SYCE1L: variants seen among roughly 807,000 people sequenced by gnomAD.
SYCE1L encodes the protein synaptonemal complex central element protein 1 like.
In SYCE1L, 51 loss-of-function variants were observed where a neutral mutation model predicts 39.6. That is an observed-to-expected ratio of 1.29 (90% CI 1.03 to 1.63). The LOEUF (loss-of-function observed/expected upper bound fraction) is 1.63. Among genes scored for constraint, SYCE1L ranks in the 40% most tolerant of loss-of-function variants. The pLI is 0.00. For synonymous variants in SYCE1L, 147 were observed against 122.4 expected (o/e 1.20, Z -1.33); for missense variants, 426 against 304.9 (o/e 1.40, Z -2.96).
In SYCE1L at chr16:77,212,303, T is replaced by G. The variant is rs1033816203; in HGVS notation, c.515T>G (p.Leu172Arg). ...ACAGGGAGGCTGGTGCGCGCCAAGC[T>G]GCGGGAGGTGGAGCGGCGGCTGCAC... Reference protein sequence around the residue: ...LSERRLVRAKLREVERRLHSP... With the variant: ...LSERRLVRAKRREVERRLHSP... The change falls in exon 9 of 11, where the codon CTG (leucine) becomes CGG (arginine). Residue 172 changes from leucine (L) to arginine (R), a missense_variant. Leu to Arg is a moderately radical substitution (Grantham distance 102, BLOSUM62 -2). Coordinates refer to ENST00000378644, the MANE Select transcript of SYCE1L (RefSeq NM_001129979.3). The G allele has an allele frequency of 6.0e-5, 92 of 1,523,886 alleles. No homozygotes were observed. Among genetic ancestry groups the G allele is most frequent in the Non-Finnish European group, 7.3e-5 (83 of 1,137,060 alleles). The allele number at this position is 1,523,886 out of a possible 1,614,324, so 94.4% of individuals were successfully genotyped here.
In SYCE1L at chr16:77,204,080, A is replaced by G. The variant is rs74027179; in HGVS notation, c.62-2361A>G. 4.3e-3 allele frequency among the ~76,000 whole-genome samples: 661 copies of G among 152,238 alleles called. 2 individuals carry two copies. Among genetic ancestry groups the G allele is most frequent in the African/African-American group, 0.014 (586 of 41,552 alleles). On this transcript the variant is annotated intron_variant, in intron 1 of 10. Transcript: ENST00000378644. ...TTGCCTGTCCAGTTGGCAAAAAAAA[A>G]AAGAAAAAGATTAAAAACATACTTG...
At chr16:77,202,107 G>C (rs1404007355) in intron 1 of SYCE1L, 2 of 152,104 alleles carry the variant, frequency 1.3e-5, no homozygotes, top group African/African-American at 4.8e-5. Flanking sequence ...AAAATATAAA[G>C]GAGAAGAGGC....
intron 6 of SYCE1L, 134 bp from the exon 7 acceptor site, chr16:77,211,079 T>G: frequency 1.1e-6 from 1 of 926,164 alleles, no homozygotes; most frequent in South Asian, 1.5e-5. Context: ...GAACCAAAGC[T>G]TAGAGGATAA....
intron 2 of SYCE1L, 59 bp downstream of exon 2, chr16:77,206,559 T>G: frequency 2.6e-6 from 4 of 1,517,814 alleles, no homozygotes; most frequent in Non-Finnish European, 3.6e-6. Context: ...AAAGACATGG[T>G]ACAAATTCAG....
intron 4 of SYCE1L, 125 bp downstream of exon 4, chr16:77,208,664 A>G: frequency 1.1e-6 from 1 of 902,614 alleles, no homozygotes; most frequent in Non-Finnish European, 1.7e-6. Flanking sequence ...ATTGCCTTTC[A>G]CTGTCTCATG....
At chr16:77,211,474 C>T (rs2054822217) in intron 7 of SYCE1L, among the ~76,000 whole-genome samples, 198 bp downstream of exon 7, 1 of 152,180 alleles carries the variant, frequency 6.6e-6, no homozygotes, top group Non-Finnish European at 1.5e-5. Context: ...CACTGCCACA[C>T]CCAGCATCAC....
At chr16:77,212,523 C>T in intron 9 of SYCE1L, 51 bp from the exon 10 acceptor site, 1 of 1,534,854 alleles carries the variant, frequency 6.5e-7, no homozygotes, top group Non-Finnish European at 8.7e-7. Flanking sequence ...TCCTCCTCGT[C>T]CCCTGGACTC....
At position 77,212,562 on chromosome 16, in the gene SYCE1L, C is replaced by A. The variant is rs965188248; in HGVS notation, c.582-12C>A. On this transcript the variant is annotated splice_polypyrimidine_tract_variant and intron_variant, in intron 9 of 10. Transcript: ENST00000378644. Reference sequence around the variant, plus strand: ...CTCTCTTCCTCCTGTCTCCTCGGCCCCTTCTCCGCAGGCTGAAGGCGGAGC... The same window carrying A: ...CTCTCTTCCTCCTGTCTCCTCGGCCACTTCTCCGCAGGCTGAAGGCGGAGC... The A allele has an allele frequency of 1.3e-6, 2 of 1,536,676 alleles. No homozygotes were observed. Among genetic ancestry groups the A allele is most frequent in the Non-Finnish European group, 1.7e-6 (2 of 1,146,598 alleles).
At chr16:77,212,793 G>A (rs2054835054) in intron 10 of SYCE1L, 64 bp from the exon 11 acceptor site, 2 of 1,433,492 alleles carry the variant, frequency 1.4e-6, no homozygotes, top group Non-Finnish European at 1.8e-6. Flanking sequence ...GAGGCCTAGG[G>A]CAGACGCGGG....
Position 77,212,941 on chromosome 16 carries a change from AC to A in SYCE1L, c.*13del. On this transcript the variant is annotated 3_prime_UTR_variant, in exon 11 of 11. Transcript: ENST00000378644. ...CCCTGACGCCCTCTAGGCCAGCAGG[AC>A]CCGCCCGTTCCCGACCTTCCCTCGA... 6.7e-7 allele frequency: 1 copy of A among 1,501,670 alleles called. No homozygotes were observed. Among genetic ancestry groups the A allele is most frequent in the Non-Finnish European group, 8.9e-7 (1 of 1,127,068 alleles). 93.0% of individuals were successfully genotyped at this position (1,501,670 alleles called of 1,614,324 possible).
intron 5 of SYCE1L, 35 bp from the exon 6 acceptor site, chr16:77,209,382 G>C: frequency 1.9e-6 from 3 of 1,551,208 alleles, no homozygotes; most frequent in Non-Finnish European, 2.6e-6. Context: ...CTCCCCAAGA[G>C]CTCTCAAAGG....
intron 2 of SYCE1L, 126 bp downstream of exon 2, chr16:77,206,626 A>T: frequency 1.1e-6 from 1 of 898,406 alleles, no homozygotes. Flanking sequence ...CCTCTTATAC[A>T]GTTTAATTCT....
At chr16:77,212,709 G>A in intron 10 of SYCE1L, 63 bp downstream of exon 10, 4 of 1,460,148 alleles carry the variant, frequency 2.7e-6, no homozygotes, top group Non-Finnish European at 3.6e-6. Flanking sequence ...AGCGGGCGGG[G>A]GTCCTGGGAG....
intron 1 of SYCE1L, 126 bp downstream of exon 1, chr16:77,199,638 G>A (rs117687745): frequency 7.9e-4 from 669 of 850,358 alleles, no homozygotes; most frequent in Non-Finnish European, 7.8e-4. Context: ...TAAGCCTTTT[G>A]TTATTGAAGA....
At chr16:77,206,351 G>A in intron 1 of SYCE1L, 90 bp from the exon 2 acceptor site, 3 of 1,150,914 alleles carry the variant, frequency 2.6e-6, no homozygotes, top group Non-Finnish European at 2.5e-6. Context: ...GCCCACGGGT[G>A]TCTGCAGAGC....
chr16:77,203,215 G>A (rs1352804339), intron 1 of SYCE1L, among the ~76,000 whole-genome samples: 2 of 152,192 alleles, frequency 1.3e-5, no homozygotes, highest in East Asian at 3.9e-4. Context: ...AAGACCAAGT[G>A]TTGTCACCGA....
intron 1 of SYCE1L, chr16:77,200,266 A>ATATATG (rs1555502397): frequency 9.9e-5 from 11 of 111,310 alleles, no homozygotes; most frequent in South Asian, 5.7e-4. Context: ...GTATATATAT[A>ATATATG]TATATGTGTA....
chr16:77,208,072 C>T, intron 2 of SYCE1L, 138 bp from the exon 3 acceptor site: 1 of 832,188 alleles, frequency 1.2e-6, no homozygotes, highest in Non-Finnish European at 1.8e-6. Flanking sequence ...TCAAGGGGCT[C>T]TGGCAGAGCT....
At chr16:77,212,436 C>T (rs2054831226) in intron 9 of SYCE1L, 67 bp downstream of exon 9, 2 of 1,533,716 alleles carry the variant, frequency 1.3e-6, no homozygotes, top group African/African-American at 1.4e-5. Context: ...CGCCCAGGTC[C>T]CCCGCTCCGC....
Sources: allele counts gnomAD v4.1 joint callset (sites outside exome capture counted in the v4.1 genomes callset), GRCh38; gene constraint gnomAD v4.1.1; transcripts MANE v1.5; gene names NCBI Gene and HGNC (gene_info 2026-07-23, HGNC 2026-07-21).